The following MAPK8 variants were observed in gnomAD, a reference collection of about 807,000 sequenced individuals.
MAPK8 encodes the protein mitogen-activated protein kinase 8, also known as JUN N-terminal kinase.
Under a neutral mutation model 52.9 loss-of-function variants are expected in MAPK8, and 13 were observed. The ratio of observed to expected loss-of-function variants is 0.25; its 90% confidence interval spans 0.16 to 0.39. The LOEUF is 0.39. MAPK8 is among the 10% of genes least tolerant of loss of function. The pLI, the probability that MAPK8 is intolerant of heterozygous loss-of-function variation, is 1.00. For missense variants in MAPK8, 300 were observed against 519.2 expected (o/e 0.58, Z 4.10); for synonymous variants, 191 against 169.8 (o/e 1.12, Z -0.97).
At chr10:48,371,360 A>G (rs1449015039) in intron 1 of MAPK8, among the ~76,000 whole-genome samples, 1 of 152,066 alleles carries the variant, frequency 6.6e-6, no homozygotes, top group Non-Finnish European at 1.5e-5. Context: ...TGTTAAGACC[A>G]TTTGTTTTTG....
chr10:48,329,293 C>A (rs951459644), intron 1 of MAPK8, among the ~76,000 whole-genome samples: 2 of 152,194 alleles, frequency 1.3e-5, no homozygotes, highest in African/African-American at 4.8e-5. Flanking sequence ...TTCCTCTTCT[C>A]TTATTAATTA....
At chr10:48,376,823 T>G (rs547906066) in intron 1 of MAPK8, among the ~76,000 whole-genome samples, 8 of 152,298 alleles carry the variant, frequency 5.3e-5, no homozygotes, top group African/African-American at 1.9e-4. Flanking sequence ...TCCTCAAGGA[T>G]CTAGAGCTAG....
chr10:48,311,683 C>T (rs1483200790), intron 1 of MAPK8, among the ~76,000 whole-genome samples: 1 of 152,178 alleles, frequency 6.6e-6, no homozygotes, highest in Non-Finnish European at 1.5e-5. Context: ...GTAACCACAA[C>T]AATTCATTGA....
chr10:48,335,356 TAAC>T (rs1368301530), intron 1 of MAPK8, among the ~76,000 whole-genome samples: 2 of 152,178 alleles, frequency 1.3e-5, no homozygotes, highest in African/African-American at 4.8e-5. Flanking sequence ...AAGCTTCTGT[TAAC>T]AAAGTTCTTT....
At chr10:48,396,900 T>C (rs1182657087) in intron 1 of MAPK8, among the ~76,000 whole-genome samples, 2 of 152,214 alleles carry the variant, frequency 1.3e-5, no homozygotes, top group African/African-American at 2.4e-5. Context: ...ACTATTTTTT[T>C]CCCAGTCTGT....
At chr10:48,433,616 T>G (rs536328179) in intron 11 of MAPK8, among the ~76,000 whole-genome samples, 2 of 152,338 alleles carry the variant, frequency 1.3e-5, no homozygotes, top group South Asian at 2.1e-4. Context: ...ACATGCTTTG[T>G]CTCTTGTGGT....
At chr10:48,415,258 C>A (rs902992714) in intron 5 of MAPK8, among the ~76,000 whole-genome samples, 1 of 152,048 alleles carries the variant, frequency 6.6e-6, no homozygotes, top group African/African-American at 2.4e-5. Flanking sequence ...TGTTTGTTTC[C>A]TGAGTCCTTA....
chr10:48,407,062 C>T (rs2042512122), intron 3 of MAPK8, among the ~76,000 whole-genome samples: 1 of 152,174 alleles, frequency 6.6e-6, no homozygotes, highest in Non-Finnish European at 1.5e-5. Context: ...CTTCATGTTT[C>T]TCCCTATTAA....
At chr10:48,337,908 AAATCCTG>A (rs148881136) in intron 1 of MAPK8, among the ~76,000 whole-genome samples, 8,794 of 152,242 alleles carry the variant, frequency 0.058, 599 homozygotes, top group Admixed American at 0.21. Context: ...GAAGAAATCA[AAATCCTG>A]AACAGACCAA....
chr10:48,418,470 A>G (rs1223347202), intron 5 of MAPK8, among the ~76,000 whole-genome samples: 2 of 152,150 alleles, frequency 1.3e-5, no homozygotes, highest in Non-Finnish European at 2.9e-5. Context: ...ATGATCAGCA[A>G]CCCAGGCTGC....
At chr10:48,307,917 T>C (rs756817869) in intron 1 of MAPK8, among the ~76,000 whole-genome samples, 3 of 152,184 alleles carry the variant, frequency 2.0e-5, no homozygotes, top group Non-Finnish European at 2.9e-5. Context: ...TGAAGTATAA[T>C]AGATGGACCT....
In MAPK8 at chr10:48,352,470, AT is replaced by A. The variant is rs554557750; in HGVS notation, c.-50+45652del. Among the ~76,000 whole-genome samples, 226 of 152,316 alleles carry A rather than the reference AT, an allele frequency of 1.5e-3. 1 individual carries two copies. Among genetic ancestry groups the A allele is most frequent in the African/African-American group, 5.4e-3 (223 of 41,560 alleles). On this transcript the variant is annotated intron_variant, in intron 1 of 11. Coordinates refer to ENST00000374189, the MANE Select transcript of MAPK8 (RefSeq NM_001323329.2). ...TTTGGGAATGCAAGATTGATTCAACATTTGAAAATCTGTCAATGTAATCTAT... is the reference window on the plus strand; with the variant it reads ...TTTGGGAATGCAAGATTGATTCAACATTGAAAATCTGTCAATGTAATCTAT...
chr10:48,362,451 T>G (rs1281943504), intron 1 of MAPK8, among the ~76,000 whole-genome samples: 1 of 151,502 alleles, frequency 6.6e-6, no homozygotes, highest in Non-Finnish European at 1.5e-5. Context: ...GTCATCTTTG[T>G]GTCCCAGACT....
intron 1 of MAPK8, among the ~76,000 whole-genome samples, chr10:48,325,335 CAAG>C (rs998546831): frequency 6.6e-6 from 1 of 152,206 alleles, no homozygotes; most frequent in Non-Finnish European, 1.5e-5. Flanking sequence ...TTCTTCCTAA[CAAG>C]ATGAGATAAA....
intron 1 of MAPK8, among the ~76,000 whole-genome samples, chr10:48,395,574 A>G (rs1315064621): frequency 2.6e-5 from 4 of 152,120 alleles, no homozygotes; most frequent in Admixed American, 2.6e-4. Flanking sequence ...TTTGATCTTC[A>G]AAAGTCACTG....
Position 48,327,742 on chromosome 10 carries a change from C to CAGATTCAATTTTTGATTGAAT in MAPK8, c.-50+20921_-50+20922insAGATTCAATTTTTGATTGAAT, listed in dbSNP as rs1227956195. On this transcript the variant is annotated intron_variant, in intron 1 of 11. Transcript: ENST00000374189. Reference sequence around the variant, plus strand: ...GTTTTCTGTTTTAAAAGGTTAATAACTGTTGATTCAATTTTCTAATAGATA... The same window carrying CAGATTCAATTTTTGATTGAAT: ...GTTTTCTGTTTTAAAAGGTTAATAACAGATTCAATTTTTGATTGAATTGTTGATTCAATTTTCTAATAGATA... Among the ~76,000 whole-genome samples the CAGATTCAATTTTTGATTGAAT allele has an allele frequency of 2.0e-5, 3 of 152,106 alleles. No homozygotes were observed. In the East Asian group the frequency reaches 5.8e-4, roughly 29 times the overall value.
At chr10:48,315,985 A>G (rs1017105293) in intron 1 of MAPK8, among the ~76,000 whole-genome samples, 3 of 152,236 alleles carry the variant, frequency 2.0e-5, no homozygotes, top group African/African-American at 4.8e-5. Flanking sequence ...GGGAGGGATT[A>G]TGGGAATACT....
intron 1 of MAPK8, among the ~76,000 whole-genome samples, chr10:48,357,487 G>T (rs1028108517): frequency 6.6e-6 from 1 of 151,970 alleles, no homozygotes; most frequent in African/African-American, 2.4e-5. Context: ...TTGACCTCTC[G>T]GGCTCAGGTG....
In MAPK8 at chr10:48,310,952, AC is replaced by A. The variant is rs574824421; in HGVS notation, c.-50+4132del. On this transcript the variant is annotated intron_variant, in intron 1 of 11. Transcript: ENST00000374189. Reference sequence around the variant, plus strand: ...TAGAAAGTCAAGGAACTCAAACCTTACAATGATTGCTAGCGTGGGTTTTAAG... The same window carrying A: ...TAGAAAGTCAAGGAACTCAAACCTTAAATGATTGCTAGCGTGGGTTTTAAG... Among the ~76,000 whole-genome samples the A allele has an allele frequency of 2.6e-5, 4 of 152,276 alleles. No individual in the cohort carries two copies. The South Asian group carries it at 8.3e-4, about 32-fold the overall frequency.
Sources: gnomAD v4.1 joint callset for allele counts (sites outside exome capture counted in the v4.1 genomes callset) on GRCh38, gnomAD v4.1.1 for gene constraint, MANE v1.5 for transcripts, NCBI Gene and HGNC (gene_info 2026-07-23, HGNC 2026-07-21) for gene names.